LPP: variants seen among roughly 807,000 people sequenced by gnomAD.
LPP encodes LIM domain containing preferred translocation partner in lipoma.
Under a neutral mutation model 60.4 loss-of-function variants are expected in LPP, and 38 were observed. The observed-to-expected ratio is 0.63, with a 90% CI of 0.49 to 0.83. LPP has a LOEUF of 0.83. LPP is among the 40% of genes least tolerant of loss of function. The pLI is 0.00. For missense variants in LPP, 902 were observed against 783.6 expected (o/e 1.15, Z -1.80); for synonymous variants, 328 against 290.8 (o/e 1.13, Z -1.30).
intron 5 of LPP, among the ~76,000 whole-genome samples, chr3:188,499,034 A>G (rs971979330): frequency 6.6e-6 from 1 of 152,062 alleles, no homozygotes; most frequent in Non-Finnish European, 1.5e-5. Flanking sequence ...TAAGGTCTCT[A>G]TATATTCTGA....
intron 6 of LPP, among the ~76,000 whole-genome samples, chr3:188,580,494 A>T (rs1835821699): frequency 1.3e-5 from 2 of 152,198 alleles, no homozygotes; most frequent in African/African-American, 4.8e-5. Context: ...TAAAGGATTC[A>T]GAGAGTTTCC....
chr3:188,751,110 G>A (rs1370497124), intron 8 of LPP, among the ~76,000 whole-genome samples: 2 of 152,128 alleles, frequency 1.3e-5, no homozygotes, highest in Non-Finnish European at 2.9e-5. Context: ...CTTCACAGAG[G>A]GAAGATTATT....
chr3:188,472,840 G>A (rs1232384362), intron 4 of LPP: 1 of 152,174 alleles, frequency 6.6e-6, no homozygotes, highest in Non-Finnish European at 1.5e-5. Flanking sequence ...TAAATAGTAA[G>A]AACCTCTTCT....
At chr3:188,868,250 T>TTCTG (rs1212720401) in intron 10 of LPP, among the ~76,000 whole-genome samples, 1 of 152,226 alleles carries the variant, frequency 6.6e-6, no homozygotes, top group Admixed American at 6.5e-5. Context: ...GCACACATGT[T>TTCTG]TCTGTGGCTA....
At chr3:188,670,720 C>A (rs1856795862) in intron 7 of LPP, among the ~76,000 whole-genome samples, 1 of 152,134 alleles carries the variant, frequency 6.6e-6, no homozygotes, top group South Asian at 2.1e-4. Flanking sequence ...ACCACAGGCA[C>A]ATTTGAAGAT....
chr3:188,642,343 G>T (rs1460141976), intron 7 of LPP, among the ~76,000 whole-genome samples: 1 of 152,108 alleles, frequency 6.6e-6, no homozygotes, highest in Non-Finnish European at 1.5e-5. Context: ...GATAGTTACA[G>T]GTCCAGACAC....
In LPP at chr3:188,760,277, T is replaced by A; in HGVS notation, c.1405T>A (p.Tyr469Asn). The change falls in exon 9 of 12, where the codon TAC becomes AAC. Residue 469 changes from tyrosine to asparagine, a missense_variant. Tyr to Asn is a moderately radical substitution (Grantham distance 143). Coordinates refer to ENST00000617246, the MANE Select transcript of LPP (RefSeq NM_001375462.1). ...AAAGAAAGCATACTGCGAGCCCTGCTACATTGTAAGTTCCAGATTTGTTCC... is the reference window on the plus strand; with the variant it reads ...AAAGAAAGCATACTGCGAGCCCTGCAACATTGTAAGTTCCAGATTTGTTCC... ...VEKKAYCEPC[Y>N]INTLEQCNVC... 6.2e-7 allele frequency: 1 copy of A among 1,614,104 alleles called. No individual in the cohort carries two copies. Among genetic ancestry groups the A allele is most frequent in the Non-Finnish European group, 8.5e-7 (1 of 1,179,982 alleles).
At chr3:188,158,192 G>T (rs1717103642) in intron 1 of LPP, among the ~76,000 whole-genome samples, 1 of 152,082 alleles carries the variant, frequency 6.6e-6, no homozygotes, top group Non-Finnish European at 1.5e-5. Flanking sequence ...CGCGATTAGA[G>T]GATCCAAGCT....
At position 188,834,324 on chromosome 3, in the gene LPP, G is replaced by GTTTTT. The variant is rs71867135; in HGVS notation, c.1411-31857_1411-31853dup. On this transcript the variant is annotated intron_variant, in intron 9 of 11. Transcript: ENST00000617246. The stretch of plus-strand genomic sequence containing the variant: ...AGGATTTTTTTGTTTCTTTTTGGGT[G>GTTTTT]TTTTTTTTTTTTTTTTTTTTTTTGG... Among the ~76,000 whole-genome samples, 56 of 34,074 alleles carry GTTTTT rather than the reference G, an allele frequency of 1.6e-3. 2 individuals are homozygous for GTTTTT. Among genetic ancestry groups the GTTTTT allele is most frequent in the South Asian group, 4.4e-3 (3 of 680 alleles). The allele number at this position is 34,074 out of a possible 152,430, so 22.4% of individuals were successfully genotyped here.
At chr3:188,709,196 C>T (rs531546555) in intron 8 of LPP, 7 of 151,878 alleles carry the variant, frequency 4.6e-5, no homozygotes, top group African/African-American at 1.4e-4. Context: ...AATTATATGC[C>T]GATTGTGAGG....
intron 4 of LPP, among the ~76,000 whole-genome samples, chr3:188,413,285 G>C (rs1208959809): frequency 6.6e-6 from 1 of 152,108 alleles, no homozygotes; most frequent in African/African-American, 2.4e-5. Flanking sequence ...TTTTCCCCAT[G>C]CAAAGAGAAT....
At chr3:188,440,719 C>A (rs1793565762) in intron 4 of LPP, among the ~76,000 whole-genome samples, 1 of 152,156 alleles carries the variant, frequency 6.6e-6, no homozygotes, top group East Asian at 1.9e-4. Flanking sequence ...TATCATCACA[C>A]AGTGGTGCAG....
chr3:188,566,059 A>G (rs1208858151), intron 6 of LPP, among the ~76,000 whole-genome samples: 1 of 152,020 alleles, frequency 6.6e-6, no homozygotes, highest in South Asian at 2.1e-4. Flanking sequence ...AGGAATTTTC[A>G]TATGATAGGA....
intron 9 of LPP, among the ~76,000 whole-genome samples, chr3:188,863,867 G>A (rs527638186): frequency 6.6e-6 from 1 of 151,200 alleles, no homozygotes; most frequent in East Asian, 2.0e-4. Context: ...GAGTAAATGA[G>A]CTGAATCTTG....
At chr3:188,433,812 C>G (rs1340849165) in intron 4 of LPP, among the ~76,000 whole-genome samples, 1 of 152,034 alleles carries the variant, frequency 6.6e-6, no homozygotes, top group Non-Finnish European at 1.5e-5. Flanking sequence ...AAACAAAAAA[C>G]TGAAACCTTT....
In LPP at chr3:188,610,951, G is replaced by A. The variant is rs1843583866; in HGVS notation, c.1113+1107G>A. On this transcript the variant is annotated intron_variant, in intron 7 of 11. Transcript: ENST00000617246. The surrounding 1 kb of genome is among the most constrained non-coding windows in gnomAD (Gnocchi z 4.4). ...GTTTTGGGGGATGGATTGGGTAGAA[G>A]TTTGGACTGTATTTTTAAAAATTCT... Among the ~76,000 whole-genome samples the A allele has an allele frequency of 6.6e-6, 1 of 152,184 alleles. No homozygotes were observed. Among genetic ancestry groups the A allele is most frequent in the South Asian group, 2.1e-4 (1 of 4,836 alleles).
At chr3:188,728,016 GC>G (rs1719059122) in intron 8 of LPP, among the ~76,000 whole-genome samples, 1 of 152,070 alleles carries the variant, frequency 6.6e-6, no homozygotes, top group Admixed American at 6.6e-5. Flanking sequence ...GATTGTTAAG[GC>G]TGGAGGAAAC....
At chr3:188,420,362 C>T (rs1043081861) in intron 4 of LPP, among the ~76,000 whole-genome samples, 1 of 151,972 alleles carries the variant, frequency 6.6e-6, no homozygotes, top group African/African-American at 2.4e-5. Context: ...AGTGTTTTTA[C>T]TATTGAACTA....
chr3:188,509,796 G>A (rs762907073), intron 5 of LPP, among the ~76,000 whole-genome samples: 56 of 148,952 alleles, frequency 3.8e-4, no homozygotes, highest in Non-Finnish European at 6.8e-4. Context: ...GGGTTCAAGC[G>A]ATTCTCCTGT....
Sources: allele counts gnomAD v4.1 joint callset (sites outside exome capture counted in the v4.1 genomes callset), GRCh38; gene constraint gnomAD v4.1.1; non-coding constraint Gnocchi (gnomAD v3.1); transcripts MANE v1.5; gene names NCBI Gene and HGNC (gene_info 2026-07-23, HGNC 2026-07-21).